UNC13A: variants seen among roughly 807,000 people sequenced by gnomAD.
The protein encoded by UNC13A is unc-13 homolog A.
Under a neutral mutation model 219.7 loss-of-function variants are expected in UNC13A, and 61 were observed. The ratio of observed to expected loss-of-function variants is 0.28; its 90% CI spans 0.23 to 0.34. UNC13A has a LOEUF of 0.34. Ranked by LOEUF, UNC13A falls within the 10% of genes least tolerant of loss-of-function variation. The pLI is 1.00. For missense variants in UNC13A, 1,476 were observed against 2,270.3 expected (o/e 0.65, Z 7.11); for synonymous variants, 920 against 884.6 (o/e 1.04, Z -0.71).
In UNC13A at chr19:17,617,833, C is replaced by G. The variant is rs1163677394; in HGVS notation, c.4427G>C (p.Gly1476Ala). 6.2e-7 allele frequency: 1 copy of G among 1,613,890 alleles called. No individual in the cohort carries two copies. The highest frequency in any genetic ancestry group is 8.5e-7 in the Non-Finnish European group (1 of 1,179,844). Residue 1476 changes from glycine to alanine, a missense_variant, in exon 41 of 44, where the codon GGT (glycine) becomes GCT (alanine). Around this residue, in one of 14 missense-constraint regions of UNC13A, gnomAD observed 6 missense variants for 27.9 expected, o/e 0.21. Coordinates refer to ENST00000519716, the MANE Select transcript of UNC13A (RefSeq NM_001080421.3). ...LDTIKQYFHA[G>A]GVGLKKTFLE... ...GAAGGTCTTCTTGAGGCCCACGCCA[C>G]CCGCGTGGAAATATTGCTGGGGAGG...
At chr19:17,606,507 A>G (rs370636779) in intron 43 of UNC13A, among the ~76,000 whole-genome samples, 153 bp from the exon 44 acceptor site, 17 of 151,546 alleles carry the variant, frequency 1.1e-4, no homozygotes, top group Non-Finnish European at 2.4e-4. Context: ...CTGCCCCGTT[A>G]CTTGACCTAC....
rs964721591 is a variant in UNC13A at position 17,602,659 on chromosome 19, C to T, written c.*3395G>A. ...TTCCTGATTTCAAAAGGCTTTCAGC[C>T]CCCTGGACTCCTTGTCTTTTCTCTG... On this transcript the variant is annotated 3_prime_UTR_variant, in exon 44 of 44. Transcript: ENST00000519716. The T allele has an allele frequency of 3.3e-5, 5 of 152,398 alleles. No individual in the cohort carries two copies. In the East Asian group the frequency reaches 7.7e-4, roughly 24 times the overall value. The allele number at this position is 152,398 out of a possible 1,614,324, so 9.4% of individuals were successfully genotyped here.
chr19:17,613,366 G>A (rs538937484), intron 41 of UNC13A, among the ~76,000 whole-genome samples: 7 of 151,876 alleles, frequency 4.6e-5, no homozygotes, highest in Middle Eastern at 3.4e-3. Context: ...CTATGATCCC[G>A]CCACTGCACT....
At chr19:17,653,067 G>A (rs1303120531) in intron 11 of UNC13A, among the ~76,000 whole-genome samples, 3 of 152,068 alleles carry the variant, frequency 2.0e-5, no homozygotes, top group South Asian at 2.1e-4. Context: ...TCTCAGCATA[G>A]ACGTGGGGTC....
Position 17,662,807 on chromosome 19 carries a change from C to A in UNC13A, c.559+725G>T, listed in dbSNP as rs143825759. ...TGTTGGCGGACGCCTTTAGTCCCAG[C>A]TACTCGGGAGGCTGAGGCAGGAGAA... On this transcript the variant is annotated intron_variant, in intron 8 of 43. Transcript: ENST00000519716. Among the ~76,000 whole-genome samples, 37 of 151,794 alleles carry A rather than the reference C, an allele frequency of 2.4e-4. No homozygotes were observed. In the East Asian group the frequency reaches 6.6e-3, roughly 27 times the overall value.
Position 17,623,557 on chromosome 19 carries a change from G to A in UNC13A, c.4198-10C>T. On this transcript the variant is annotated splice_polypyrimidine_tract_variant and intron_variant, in intron 35 of 43. Coordinates refer to ENST00000519716, the MANE Select transcript of UNC13A (RefSeq NM_001080421.3). ...CTCTACTTACGATCATCTGTCATCC[G>A]TGATGGGGGCGGGGCGGTGGGGGAG... The A allele has an allele frequency of 8.0e-7, 1 of 1,254,994 alleles. No homozygotes were observed. Among genetic ancestry groups the A allele is most frequent in the Non-Finnish European group, 1.1e-6 (1 of 931,048 alleles). 77.7% of individuals were successfully genotyped at this position (1,254,994 alleles called of 1,614,324 possible).
chr19:17,616,390 G>A, intron 41 of UNC13A: 1 of 692,864 alleles, frequency 1.4e-6, no homozygotes, highest in South Asian at 1.5e-5. Flanking sequence ...GCGGCGGGCG[G>A]GAGGCGGAGG....
intron 38 of UNC13A, among the ~76,000 whole-genome samples, chr19:17,620,402 C>T (rs762284548): frequency 2.0e-5 from 3 of 152,132 alleles, no homozygotes; most frequent in Admixed American, 6.5e-5. Context: ...GAGGTTCTTA[C>T]AAGGCACAGT....
chr19:17,633,099 G>GA lies in UNC13A; in HGVS notation c.3301+8dup. On this transcript the variant is annotated intron_variant, in intron 27 of 43. Coordinates refer to ENST00000519716, the MANE Select transcript of UNC13A (RefSeq NM_001080421.3). ...GCCAGGCTGGGGAACACTGGGGTGG[G>GA]AAACTCACCCTCCATGGCGTACTTC... is the stretch of plus-strand genomic sequence containing the variant. 1.2e-6 allele frequency: 2 copies of GA among 1,614,036 alleles called. No individual in the cohort carries two copies. Among genetic ancestry groups the GA allele is most frequent in the East Asian group, 4.5e-5 (2 of 44,886 alleles).
Position 17,652,625 on chromosome 19 carries a change from A to G in UNC13A, c.1439+6T>C. On this transcript the variant is annotated splice_donor_region_variant and intron_variant, in intron 12 of 43. Coordinates refer to ENST00000519716, the MANE Select transcript of UNC13A (RefSeq NM_001080421.3). ...TCCTCCCACCGCTCACAGTTTCATT[A>G]CTTACCCGCCTTTGAACCATAGGGA... 1.2e-6 allele frequency: 2 copies of G among 1,613,742 alleles called. No homozygotes were observed. Among genetic ancestry groups the G allele is most frequent in the Non-Finnish European group, 1.7e-6 (2 of 1,179,776 alleles).
intron 38 of UNC13A, among the ~76,000 whole-genome samples, chr19:17,619,573 G>A (rs1045772244): frequency 2.6e-5 from 4 of 151,782 alleles, no homozygotes; most frequent in African/African-American, 7.3e-5. Context: ...GGGACTACAC[G>A]TGTGAGCCAC....
chr19:17,633,015 G>C (rs2076873604), intron 27 of UNC13A, 93 bp downstream of exon 27: 4 of 1,604,038 alleles, frequency 2.5e-6, no homozygotes, highest in Admixed American at 1.7e-5. Flanking sequence ...TCAGGCATGA[G>C]GGTATTATAG....
At chr19:17,680,884 C>CTTTTTTTTTTTTTTTTTTTTTT in intron 1 of UNC13A, among the ~76,000 whole-genome samples, 1 of 69,552 alleles carries the variant, frequency 1.4e-5, no homozygotes, top group Non-Finnish European at 2.9e-5. Context: ...TTTTTCTTTT[C>CTTTTTTTTTTTTTTTTTTTTTT]TTTTCTTTTT....
intron 9 of UNC13A, 85 bp downstream of exon 9, chr19:17,657,977 C>G (rs2079487738): frequency 1.4e-6 from 2 of 1,422,670 alleles, no homozygotes; most frequent in Admixed American, 3.9e-5. Flanking sequence ...AACTCCACCT[C>G]CAGCTCTGTC....
At chr19:17,680,691 C>T (rs1003287590) in intron 1 of UNC13A, among the ~76,000 whole-genome samples, 1 of 151,870 alleles carries the variant, frequency 6.6e-6, no homozygotes, top group African/African-American at 2.4e-5. Flanking sequence ...CTTCCCTCCT[C>T]TTCCTCCCTC....
In UNC13A at chr19:17,642,957, T is replaced by A; in HGVS notation, c.2360A>T (p.Lys787Met). 1 of 1,603,696 alleles carries A rather than the reference T, an allele frequency of 6.2e-7. No individual in the cohort carries two copies. The highest frequency in any genetic ancestry group is 8.5e-7 in the Non-Finnish European group (1 of 1,174,996). ...CGACACGGCAGATTTGTCAGTTCGC[T>A]TGTCTGCAGGGCAGAAAAAGAAGAC... ...GEMDVWYNLD[K>M]RTDKSAVSGA... The change falls in exon 20 of 44, where the codon AAG becomes ATG. Residue 787 changes from lysine (K) to methionine (M), a missense_variant. Physicochemically the swap from Lys to Met is moderately conservative, Grantham distance 95. Around this residue, in one of 14 missense-constraint regions of UNC13A, gnomAD observed 66 missense variants for 224.3 expected, o/e 0.29. Transcript: ENST00000519716.
At chr19:17,637,691 A>G (rs928084844) in intron 25 of UNC13A, among the ~76,000 whole-genome samples, 4 of 152,078 alleles carry the variant, frequency 2.6e-5, no homozygotes, top group Non-Finnish European at 5.9e-5. Flanking sequence ...AATCCAGTTC[A>G]CCTCAACTCA....
At position 17,616,087 on chromosome 19, in the gene UNC13A, G is replaced by A. The variant is rs562466810; in HGVS notation, c.4558+1615C>T. Among the ~76,000 whole-genome samples, 58 of 152,348 alleles carry A rather than the reference G, an allele frequency of 3.8e-4. 1 individual carries two copies. In the South Asian group the frequency reaches 0.011, roughly 30 times the overall value. ...AGATTCTTGCCCAAGGTGCCTACCC[G>A]TGGAGTGGCTGGGCTGGAATCAGAG... On this transcript the variant is annotated intron_variant, in intron 41 of 43. Transcript: ENST00000519716.
At chr19:17,616,565 G>A in intron 41 of UNC13A, 1 of 562,850 alleles carries the variant, frequency 1.8e-6, no homozygotes, top group Non-Finnish European at 3.2e-6. Flanking sequence ...GTGTGTGGAG[G>A]GGGCAGGGGA....
Sources: gnomAD v4.1 joint callset for allele counts (sites outside exome capture counted in the v4.1 genomes callset) on GRCh38, gnomAD v4.1.1 for gene constraint, gnomAD v4.1.1 regional missense constraint, MANE v1.5 for transcripts, NCBI Gene and HGNC (gene_info 2026-07-23, HGNC 2026-07-21) for gene names.